DMD: variants seen among roughly 807,000 people sequenced by gnomAD.
DMD encodes the protein dystrophin, also known as mutant dystrophin.
In DMD, 63 loss-of-function variants were observed where a neutral mutation model predicts 330.1. The observed-to-expected ratio is 0.19, with a 90% CI of 0.16 to 0.24. DMD has a LOEUF of 0.24. Among genes scored for constraint, DMD ranks in the 10% least tolerant of loss-of-function variants. The probability of loss-of-function intolerance (pLI) is 1.00; values close to 1 mark genes in which losing one functional copy is unlikely to be tolerated. For synonymous variants in DMD, 1,223 were observed against 959.8 expected, an observed-to-expected ratio of 1.27 and a Z score of -5.07; for missense variants, 3,344 against 2,684.1, an observed-to-expected ratio of 1.25 and a Z score of -5.43.
chrX:32,709,986 T>C (rs1193490350), intron 7 of DMD, among the ~76,000 whole-genome samples: 1 of 111,003 alleles, frequency 9.0e-6, no homozygotes, highest in African/African-American at 3.3e-5. Flanking sequence ...CTACACCCCC[T>C]GAATGTAGAG....
intron 2 of DMD, among the ~76,000 whole-genome samples, chrX:32,938,619 A>G (rs986103772): frequency 8.9e-6 from 1 of 111,953 alleles, no homozygotes; most frequent in Admixed American, 9.5e-5. Context: ...AGGCAATTAT[A>G]TAAGAGTTTA....
At chrX:32,124,608 A>G (rs2096652893) in intron 44 of DMD, among the ~76,000 whole-genome samples, 1 of 112,130 alleles carries the variant, frequency 8.9e-6, no homozygotes, top group Non-Finnish European at 1.9e-5. Flanking sequence ...GTTGTGTACA[A>G]TTACTGTGGT....
chrX:31,584,555 A>G (rs774033553), intron 55 of DMD, among the ~76,000 whole-genome samples: 12 of 111,983 alleles, frequency 1.1e-4, no homozygotes, highest in African/African-American at 3.9e-4. Context: ...AAGACATGGA[A>G]TCAACCCAAA....
chrX:32,551,727 T>G, intron 16 of DMD, among the ~76,000 whole-genome samples: 1 of 110,970 alleles, frequency 9.0e-6, no homozygotes, highest in Middle Eastern at 4.6e-3. Context: ...TTCTATACTT[T>G]GGCCATAGTC....
intron 3 of DMD, among the ~76,000 whole-genome samples, chrX:32,849,202 G>C (rs941240099): frequency 1.8e-5 from 2 of 111,632 alleles, no homozygotes; most frequent in Admixed American, 1.9e-4. Flanking sequence ...GTAAGACCTT[G>C]ATCAACATGA....
intron 39 of DMD, 83 bp from the exon 40 acceptor site, chrX:32,343,369 G>A (rs933066390): frequency 2.2e-6 from 2 of 891,725 alleles, no homozygotes; most frequent in East Asian, 6.4e-5. Context: ...AAAATAATTT[G>A]CGTCCCTCAT....
chrX:32,378,173 A>T (rs989045479), intron 34 of DMD, among the ~76,000 whole-genome samples: 56 of 110,308 alleles, frequency 5.1e-4, no homozygotes, highest in Middle Eastern at 9.5e-3. Flanking sequence ...GGGTCTCAAA[A>T]ATATGTTTAC....
chrX:31,713,011 C>G (rs2084759485), intron 52 of DMD, among the ~76,000 whole-genome samples: 1 of 111,193 alleles, frequency 9.0e-6, no homozygotes, highest in Non-Finnish European at 1.9e-5. Context: ...GCATGGTGGG[C>G]TTCCTCTTTC....
At chrX:32,360,540 C>A (rs1479180846) in intron 37 of DMD, among the ~76,000 whole-genome samples, 1 of 110,949 alleles carries the variant, frequency 9.0e-6, no homozygotes, top group Non-Finnish European at 1.9e-5. Context: ...GTAATCCCAG[C>A]ACTTTGAGAG....
chrX:32,695,745 A>G (rs1188049804), intron 9 of DMD, among the ~76,000 whole-genome samples: 1 of 111,898 alleles, frequency 8.9e-6, no homozygotes, highest in Non-Finnish European at 1.9e-5. Context: ...ATACAGATTG[A>G]AGCCAGGTTA....
chrX:31,222,664 G>A lies in DMD; in HGVS notation c.9361+383C>T, dbSNP rs72466556. Among the ~76,000 whole-genome samples, 66 of 110,812 alleles carry A rather than the reference G, an allele frequency of 6.0e-4. 1 individual carries two copies. The highest frequency in any genetic ancestry group is 6.8e-4 in the Non-Finnish European group (36 of 53,023). On this transcript the variant is annotated intron_variant, in intron 64 of 78. Transcript: ENST00000357033. ...TAAACCACACATGTCTATGAAGTTTGGTTTAGATCAGATAGTCATAGTCTT... is the reference window on the plus strand; with the variant it reads ...TAAACCACACATGTCTATGAAGTTTAGTTTAGATCAGATAGTCATAGTCTT...
At chrX:32,343,834 A>C (rs1159167424) in intron 39 of DMD, among the ~76,000 whole-genome samples, 3 of 112,019 alleles carry the variant, frequency 2.7e-5, no homozygotes, top group Non-Finnish European at 5.6e-5. Context: ...TAGTTGTCTT[A>C]TAAACTGTTC....
At chrX:32,196,219 A>G (rs1266355871) in intron 44 of DMD, among the ~76,000 whole-genome samples, 3 of 112,505 alleles carry the variant, frequency 2.7e-5, no homozygotes, top group Non-Finnish European at 5.6e-5. Flanking sequence ...GCTGTCTTTC[A>G]CTTCAGTAAT....
At position 32,644,153 on chromosome X, in the gene DMD, G is replaced by T. The variant is rs1556875180; in HGVS notation, c.1310C>A (p.Ala437Asp). Residue 437 changes from alanine to aspartate, a missense_variant, in exon 11 of 79, where the codon GCT becomes GAT. Transcript: ENST00000357033. ...LNSRWECLRVASMEKQSNLHR... is the reference protein window; with the variant it reads ...LNSRWECLRVDSMEKQSNLHR... ...TTACTTGCTTTGTTTTTCCATGCTA[G>T]CTACCCTGAGGCATTCCCATCTTGA... The T allele has an allele frequency of 1.7e-6, 2 of 1,208,249 alleles. No homozygotes were observed. The highest frequency in any genetic ancestry group is 2.2e-6 in the Non-Finnish European group (2 of 893,490).
At chrX:33,303,235 T>G (rs763226499) in intron 1 of DMD, among the ~76,000 whole-genome samples, 1 of 111,733 alleles carries the variant, frequency 8.9e-6, no homozygotes, top group Admixed American at 9.6e-5. Context: ...ATGTGCAGGG[T>G]TTTGTGTGGA....
intron 53 of DMD, among the ~76,000 whole-genome samples, chrX:31,671,672 C>A (rs1409148599): frequency 8.9e-6 from 1 of 111,844 alleles, no homozygotes; most frequent in Non-Finnish European, 1.9e-5. Context: ...TGTTATAGGT[C>A]TATCCAGGTT....
At chrX:33,118,314 G>T (rs1450047222) in intron 1 of DMD, among the ~76,000 whole-genome samples, 2 of 109,386 alleles carry the variant, frequency 1.8e-5, no homozygotes, top group Non-Finnish European at 3.8e-5. Context: ...GTTTCACCGT[G>T]TTAGCCAGGA....
At chrX:32,494,486 G>A (rs1417874748) in intron 19 of DMD, among the ~76,000 whole-genome samples, 1 of 110,988 alleles carries the variant, frequency 9.0e-6, no homozygotes, top group Non-Finnish European at 1.9e-5. Context: ...CTTACTAGAT[G>A]TGTGAAATGG....
chrX:31,499,315 T>C (rs976043882), intron 56 of DMD, among the ~76,000 whole-genome samples: 4 of 110,131 alleles, frequency 3.6e-5, no homozygotes, highest in East Asian at 2.9e-4. Flanking sequence ...GAGGAGGATA[T>C]AGTGAAGGGC....
Sources: allele counts gnomAD v4.1 joint callset (sites outside exome capture counted in the v4.1 genomes callset), GRCh38; gene constraint gnomAD v4.1.1; transcripts MANE v1.5; gene names NCBI Gene and HGNC (gene_info 2026-07-23, HGNC 2026-07-21).